SLC25A17: variants seen among roughly 807,000 people sequenced by gnomAD.
The protein encoded by SLC25A17 is solute carrier family 25 member 17, also known as peroxisomal membrane protein PMP34.
SLC25A17 carries 26 observed loss-of-function variants against 38.5 expected under a neutral mutation model. The ratio of observed to expected loss-of-function variants is 0.68; its 90% CI spans 0.50 to 0.94. The LOEUF (loss-of-function observed/expected upper bound fraction) is 0.94, where lower values mean the gene tolerates loss of function less well. Among genes scored for constraint, SLC25A17 ranks in the 40% least tolerant of loss-of-function variants. SLC25A17 has a pLI of 0.00. For missense variants in SLC25A17, 333 were observed against 372.7 expected (o/e 0.89, Z 0.88); for synonymous variants, 139 against 136.2 (o/e 1.02, Z -0.14).
At chr22:40,809,431 A>G (rs559244526) in intron 1 of SLC25A17, among the ~76,000 whole-genome samples, 98 of 151,602 alleles carry the variant, frequency 6.5e-4, no homozygotes, top group African/African-American at 1.8e-3. Flanking sequence ...CCTGAGCAAC[A>G]TGGTGAAACA....
Position 40,789,850 on chromosome 22 carries a change from C to T in SLC25A17, c.334+2675G>A, listed in dbSNP as rs1378456341. The stretch of plus-strand genomic sequence containing the variant: ...AGAGATGGGGTCTTGCTATGTTGCC[C>T]AGGCTGGTCTCAAACTGCGGGCTCA... On this transcript the variant is annotated intron_variant, in intron 4 of 8. Coordinates refer to ENST00000435456, the MANE Select transcript of SLC25A17 (RefSeq NM_006358.4). This position sits in a 1 kb window ranked among gnomAD's most constrained non-coding sequence, Gnocchi z 4.5. 1.3e-5 allele frequency among the ~76,000 whole-genome samples: 2 copies of T among 151,206 alleles called. No individual in the cohort carries two copies. The highest frequency in any genetic ancestry group is 4.2e-4 in the South Asian group (2 of 4,794).
intron 1 of SLC25A17, among the ~76,000 whole-genome samples, chr22:40,808,054 A>T (rs2057545468): frequency 6.8e-6 from 1 of 146,388 alleles, no homozygotes; most frequent in Non-Finnish European, 1.5e-5. Context: ...TACCGAGAAG[A>T]TAACCACAAT....
chr22:40,771,480 G>T (rs1432916641), intron 8 of SLC25A17, among the ~76,000 whole-genome samples: 1 of 152,140 alleles, frequency 6.6e-6, no homozygotes, highest in Non-Finnish European at 1.5e-5. Flanking sequence ...CAGATAAATG[G>T]ATAAAGAAAA....
intron 4 of SLC25A17, chr22:40,779,864 T>C (rs1183168869): frequency 6.6e-6 from 1 of 152,148 alleles, no homozygotes. Flanking sequence ...TTTAACACCA[T>C]CTTGAGATAT....
intron 1 of SLC25A17, among the ~76,000 whole-genome samples, chr22:40,807,872 T>A (rs1240491924): frequency 1.3e-5 from 2 of 152,218 alleles, no homozygotes; most frequent in African/African-American, 4.8e-5. Context: ...TGACTGTTTT[T>A]ATAAGCAGCT....
At chr22:40,804,916 C>T (rs931926657) in intron 1 of SLC25A17, among the ~76,000 whole-genome samples, 1 of 151,542 alleles carries the variant, frequency 6.6e-6, no homozygotes, top group Non-Finnish European at 1.5e-5. Flanking sequence ...TGAGACCAGC[C>T]TGGGCAACAT....
chr22:40,773,978 T>A lies in SLC25A17; in HGVS notation c.735A>T (p.Gly245=). The A allele has an allele frequency of 6.2e-7, 1 of 1,613,466 alleles. No individual in the cohort carries two copies. Among genetic ancestry groups the A allele is most frequent in the Non-Finnish European group, 8.5e-7 (1 of 1,179,444 alleles). The change falls in exon 8 of 9, where the codon GGA becomes GGT. Residue 245 remains glycine, a synonymous_variant. Transcript: ENST00000435456. ...HRLNPENRTL[G]SLRNILYLLH... is the part of the protein sequence containing the mutation. Reference sequence around the variant, plus strand: ...GAAGATAGAGAATATTCCGAAGACTTCCCAATGTTCTGTTTTCTGGGTTTA... The same window carrying A: ...GAAGATAGAGAATATTCCGAAGACTACCCAATGTTCTGTTTTCTGGGTTTA...
At chr22:40,809,504 C>T (rs1278454334) in intron 1 of SLC25A17, among the ~76,000 whole-genome samples, 1 of 151,618 alleles carries the variant, frequency 6.6e-6, no homozygotes, top group African/African-American at 2.4e-5. Flanking sequence ...TGGTGGTGCA[C>T]GCCTGTAATC....
At chr22:40,795,226 C>T (rs1474101052) in intron 2 of SLC25A17, among the ~76,000 whole-genome samples, 1 of 152,156 alleles carries the variant, frequency 6.6e-6, no homozygotes, top group East Asian at 1.9e-4. Flanking sequence ...TCATCTGTTA[C>T]TCATGAACCA....
chr22:40,782,977 C>T (rs1017544276), intron 4 of SLC25A17, among the ~76,000 whole-genome samples: 2 of 152,146 alleles, frequency 1.3e-5, no homozygotes, highest in African/African-American at 4.8e-5. Context: ...AGCAACAACG[C>T]TGTTCCTAGT....
intron 4 of SLC25A17, among the ~76,000 whole-genome samples, chr22:40,787,982 C>T (rs2057353328): frequency 6.6e-6 from 1 of 152,250 alleles, no homozygotes; most frequent in East Asian, 1.9e-4. Flanking sequence ...TCTTGAACTC[C>T]GGAGCTCAAG....
At chr22:40,805,352 G>A (rs1057292170) in intron 1 of SLC25A17, among the ~76,000 whole-genome samples, 2 of 152,182 alleles carry the variant, frequency 1.3e-5, no homozygotes, top group African/African-American at 2.4e-5. Context: ...GTGAGACTTC[G>A]TCTCAAAAAA....
intron 4 of SLC25A17, among the ~76,000 whole-genome samples, chr22:40,780,668 G>C (rs1203802857): frequency 6.6e-6 from 1 of 152,200 alleles, no homozygotes; most frequent in Non-Finnish European, 1.5e-5. Flanking sequence ...AAGAGAAAAG[G>C]AGGACAGGAG....
Position 40,819,345 on chromosome 22 carries a change from G to A in SLC25A17, c.-97C>T. 2 of 1,148,526 alleles carry A rather than the reference G, an allele frequency of 1.7e-6. No homozygotes were observed. The highest frequency in any genetic ancestry group is 1.3e-5 in the South Asian group (1 of 76,612). The allele number at this position is 1,148,526 out of a possible 1,614,324, so 71.1% of individuals were successfully genotyped here. On this transcript the variant is annotated 5_prime_UTR_variant, in exon 1 of 9. Coordinates refer to ENST00000435456, the MANE Select transcript of SLC25A17 (RefSeq NM_006358.4). ...CACCGGAGCTCAGGGTGTGAGAGTC[G>A]CAATCCCCGCCCTCTCAAACCCGCC...
Position 40,770,009 on chromosome 22 carries a change from A to C in SLC25A17, c.*825T>G, listed in dbSNP as rs1295122794. 1 of 152,178 alleles carries C rather than the reference A, an allele frequency of 6.6e-6. No homozygotes were observed. Among genetic ancestry groups the C allele is most frequent in the Non-Finnish European group, 1.5e-5 (1 of 68,026 alleles). The allele number at this position is 152,178 out of a possible 1,614,324, so 9.4% of individuals were successfully genotyped here. On this transcript the variant is annotated 3_prime_UTR_variant, in exon 9 of 9. Transcript: ENST00000435456. ...CAACAAGATATCTGCTCCCCTTCTC[A>C]TTTTTGTGATTTTTCCCATCTGGTT...
intron 4 of SLC25A17, among the ~76,000 whole-genome samples, chr22:40,791,902 G>A (rs1012538724): frequency 2.0e-5 from 3 of 151,988 alleles, no homozygotes; most frequent in Non-Finnish European, 4.4e-5. Context: ...CCAGAAGAAT[G>A]GAAAGCAGGC....
intron 1 of SLC25A17, among the ~76,000 whole-genome samples, chr22:40,816,609 GT>G (rs55809010): frequency 0.17 from 23,379 of 137,770 alleles, 1,890 homozygotes; most frequent in African/African-American, 0.24. Flanking sequence ...ATTTTTTATT[GT>G]TTTTTTTTTT....
At chr22:40,800,518 C>T (rs1203313465) in intron 1 of SLC25A17, among the ~76,000 whole-genome samples, 2 of 152,186 alleles carry the variant, frequency 1.3e-5, no homozygotes, top group Non-Finnish European at 2.9e-5. Context: ...CCTGCCTTAG[C>T]ATTCCAAGTA....
chr22:40,770,601 TG>T lies in SLC25A17; in HGVS notation c.*232del, dbSNP rs1366180315. The T allele has an allele frequency of 2.9e-6, 1 of 344,954 alleles. No individual in the cohort carries two copies. Among genetic ancestry groups the T allele is most frequent in the Non-Finnish European group, 5.2e-6 (1 of 192,430 alleles). 21.4% of individuals were successfully genotyped at this position (344,954 alleles called of 1,614,324 possible). On this transcript the variant is annotated 3_prime_UTR_variant, in exon 9 of 9. Coordinates refer to ENST00000435456, the MANE Select transcript of SLC25A17 (RefSeq NM_006358.4). ...ACTTTCATTTTTAGGTTTTCAGCAA[TG>T]TTTTTTTCACATTAGTCCAACTGCC... is the stretch of plus-strand genomic sequence containing the variant.
Sources: gnomAD v4.1 joint callset for allele counts (sites outside exome capture counted in the v4.1 genomes callset) on GRCh38, gnomAD v4.1.1 for gene constraint, Gnocchi (gnomAD v3.1) non-coding constraint, MANE v1.5 for transcripts, NCBI Gene and HGNC (gene_info 2026-07-23, HGNC 2026-07-21) for gene names.